The following GRM6 variants were observed in gnomAD, a reference collection of about 807,000 sequenced individuals.
GRM6 encodes the protein glutamate metabotropic receptor 6.
Under a neutral mutation model 78.4 loss-of-function variants are expected in GRM6, and 73 were observed. That is an observed-to-expected ratio of 0.93 (90% CI 0.77 to 1.13). GRM6 has a LOEUF of 1.13. Among genes scored for constraint, GRM6 ranks in the 50% most tolerant of loss-of-function variants. GRM6 has a pLI of 0.00. For missense variants in GRM6, 1,251 were observed against 1,256.4 expected (o/e 1.00, Z 0.07); for synonymous variants, 580 against 555.0 (o/e 1.05, Z -0.63).
chr5:178,993,723 T>G (rs1760723584), intron 2 of GRM6, among the ~76,000 whole-genome samples: 1 of 152,104 alleles, frequency 6.6e-6, no homozygotes, highest in Admixed American at 6.5e-5. Flanking sequence ...AAAGCCCTCC[T>G]AATCCCGATT....
Position 178,984,471 on chromosome 5 carries a change from C to T in GRM6, c.2125-1250G>A, listed in dbSNP as rs897083505. 2.6e-5 allele frequency among the ~76,000 whole-genome samples: 4 copies of T among 152,168 alleles called. No individual in the cohort carries two copies. The East Asian group carries it at 5.8e-4, about 22-fold the overall frequency. ...ATGACGTGGTAGTCATGGCAAAACA[C>T]CTAGGCCAGTTGCAGGCTTGTGTGT... On this transcript the variant is annotated intron_variant, in intron 9 of 10. Transcript: ENST00000517717.
chr5:178,982,453 C>T (rs1188238518), intron 10 of GRM6, among the ~76,000 whole-genome samples: 2 of 151,846 alleles, frequency 1.3e-5, no homozygotes, highest in Non-Finnish European at 2.9e-5. Flanking sequence ...TGGCAGGCAC[C>T]TGTAGTCCCA....
rs181390926 is a variant in GRM6 at position 178,984,511 on chromosome 5, T to C, written c.2125-1290A>G. On this transcript the variant is annotated intron_variant, in intron 9 of 10. Transcript: ENST00000517717. ...GGCTTGTGTGTTTTTAAAGATCCCT[T>C]GTATCTGGAAAAGAGGGTACAGTGT... Among the ~76,000 whole-genome samples, 16 of 152,218 alleles carry C rather than the reference T, an allele frequency of 1.1e-4. No homozygotes were observed. In the East Asian group the frequency reaches 2.3e-3, roughly 22 times the overall value.
At position 178,994,429 on chromosome 5, in the gene GRM6, C is replaced by T; in HGVS notation, c.504+12G>A. Reference sequence around the variant, plus strand: ...GGACGCTGGACACCGAGCCCGGCCCCGCGGCCCTCACCGCAAACAGGCGCA... The same window carrying T: ...GGACGCTGGACACCGAGCCCGGCCCTGCGGCCCTCACCGCAAACAGGCGCA... On this transcript the variant is annotated intron_variant, in intron 2 of 10. Coordinates refer to ENST00000517717, the MANE Select transcript of GRM6 (RefSeq NM_000843.4). 5 of 1,490,538 alleles carry T rather than the reference C, an allele frequency of 3.4e-6. No individual in the cohort carries two copies. Among genetic ancestry groups the T allele is most frequent in the East Asian group, 2.8e-5 (1 of 35,280 alleles). 92.3% of individuals were successfully genotyped at this position (1,490,538 alleles called of 1,614,324 possible).
At chr5:178,985,598 G>A (rs1460813123) in intron 9 of GRM6, 9 of 349,856 alleles carry the variant, frequency 2.6e-5, no homozygotes, top group Non-Finnish European at 4.5e-5. Context: ...AGCTACTCGG[G>A]AGGCTGAGGC....
chr5:178,992,485 G>GC lies in GRM6; in HGVS notation c.505-403_505-402insG. On this transcript the variant is annotated intron_variant, in intron 2 of 10. Coordinates refer to ENST00000517717, the MANE Select transcript of GRM6 (RefSeq NM_000843.4). The surrounding 1 kb of genome is among the most constrained non-coding windows in gnomAD (Gnocchi z 4.9). ...AGCACGTTTTCTTGATTCACACCAAGGGGTGGTCCGCAGGGACAGGCAGCC... is the reference window on the plus strand; with the variant it reads ...AGCACGTTTTCTTGATTCACACCAAGCGGGTGGTCCGCAGGGACAGGCAGCC... 8.2e-6 allele frequency: 3 copies of GC among 364,296 alleles called. No homozygotes were observed. The highest frequency in any genetic ancestry group is 1.6e-5 in the Non-Finnish European group (3 of 183,176). The allele number at this position is 364,296 out of a possible 1,614,324, so 22.6% of individuals were successfully genotyped here. A position where few individuals can be genotyped will look rare whatever the true frequency, so the allele number is the denominator to read the frequency against.
chr5:178,987,921 A>ACACCTG (rs371810289), intron 7 of GRM6, among the ~76,000 whole-genome samples: 135,834 of 143,668 alleles, frequency 0.95, 64,745 homozygotes, highest in South Asian at 1. Flanking sequence ...CGCCATGCCC[A>ACACCTG]GCTAATTTTT....
rs1439203052 is a variant in GRM6, at chr5:178,991,463, G to A, written c.818C>T (p.Ala273Val). The A allele has an allele frequency of 6.2e-7, 1 of 1,613,954 alleles. No homozygotes were observed. Among genetic ancestry groups the A allele is most frequent in the African/African-American group, 1.3e-5 (1 of 74,982 alleles). The change falls in exon 4 of 11, where the codon GCC becomes GTC. Residue 273 changes from alanine (A) to valine (V), a missense_variant. By Grantham distance (64) the Ala-to-Val change is moderately conservative. Transcript: ENST00000517717. This position sits in a 1 kb window ranked among gnomAD's most constrained non-coding sequence, Gnocchi z 5.0. ...ATTGGCAAAGATGATGATGCCCCGG[G>A]CGTTGGGCGTCTCCATGAGTCTCCT... ...VIRRLMETPN[A>V]RGIIIFANED...
chr5:178,983,407 C>G, intron 9 of GRM6, 186 bp from the exon 10 acceptor site: 2 of 710,660 alleles, frequency 2.8e-6, no homozygotes, highest in South Asian at 3.0e-5. Context: ...CAGGCAGGGG[C>G]AGCCCAAGAG....
In GRM6 at chr5:178,991,698, G is replaced by A. The variant is rs1760678061; in HGVS notation, c.722-139C>T. 2.4e-6 allele frequency: 3 copies of A among 1,229,928 alleles called. No individual in the cohort carries two copies. Among genetic ancestry groups the A allele is most frequent in the African/African-American group, 2.9e-5 (2 of 67,838 alleles). The allele number at this position is 1,229,928 out of a possible 1,614,324, so 76.2% of individuals were successfully genotyped here. On this transcript the variant is annotated intron_variant, in intron 3 of 10. Transcript: ENST00000517717. This position sits in a 1 kb window ranked among gnomAD's most constrained non-coding sequence, Gnocchi z 5.0. ...GGCCTGCACCCTCCGCCAAGCCTGA[G>A]GCAGGGCTGAGTCGTCCAAAACAAA...
rs1189860680 is a variant in GRM6 at position 178,980,296 on chromosome 5, TA to T, written c.*1360del. The T allele has an allele frequency of 6.5e-6, 1 of 154,384 alleles. No homozygotes were observed. Among genetic ancestry groups the T allele is most frequent in the African/African-American group, 2.4e-5 (1 of 41,530 alleles). 9.6% of individuals were successfully genotyped at this position (154,384 alleles called of 1,614,324 possible). On this transcript the variant is annotated 3_prime_UTR_variant, in exon 11 of 11. Coordinates refer to ENST00000517717, the MANE Select transcript of GRM6 (RefSeq NM_000843.4). The surrounding 1 kb of genome is among the most constrained non-coding windows in gnomAD (Gnocchi z 4.3). ...CTACTCCCAGGGACATAAAACTCCA[TA>T]ACTTAAACCAAGCTTTTTGTAAAAA...
chr5:178,982,977 T>C lies in GRM6; in HGVS notation c.2369A>G (p.Tyr790Cys), dbSNP rs1234951030. The C allele has an allele frequency of 5.0e-6, 8 of 1,614,160 alleles. No individual in the cohort carries two copies. The highest frequency in any genetic ancestry group is 5.9e-6 in the Non-Finnish European group (7 of 1,180,012). The change falls in exon 10 of 11, where the codon TAC becomes TGC. Residue 790 changes from tyrosine (Y) to cysteine (C), a missense_variant. Transcript: ENST00000517717. ...NEAKPIGFTM[Y>C]TTCIIWLAFV... ...TGCCAGCCAGATGATGCAGGTGGTG[T>C]ACATGGTGAAGCCGATGGGCTTGGC...
chr5:178,991,509 C>T lies in GRM6; in HGVS notation c.772G>A (p.Gly258Arg). The T allele has an allele frequency of 6.2e-7, 1 of 1,613,932 alleles. No homozygotes were observed. Among genetic ancestry groups the T allele is most frequent in the South Asian group, 1.1e-5 (1 of 91,082 alleles). ...SIKIPREPKP[G>R]EFSKVIRRLM... ...CTCCTGATCACCTTGCTGAACTCTCCTGGCTTTGGTTCCCTGGGAATCTTG... is the reference window on the plus strand; with the variant it reads ...CTCCTGATCACCTTGCTGAACTCTCTTGGCTTTGGTTCCCTGGGAATCTTG... The change falls in exon 4 of 11, where the codon GGA becomes AGA. Residue 258 changes from glycine (G) to arginine (R), a missense_variant. Physicochemically the swap from Gly to Arg is moderately radical, Grantham distance 125 (BLOSUM62 -2). Coordinates refer to ENST00000517717, the MANE Select transcript of GRM6 (RefSeq NM_000843.4). The surrounding 1 kb of genome is among the most constrained non-coding windows in gnomAD (Gnocchi z 5.0).
chr5:178,989,481 G>A (rs967067561), intron 5 of GRM6, 76 bp from the exon 6 acceptor site: 20 of 1,587,130 alleles, frequency 1.3e-5, no homozygotes, highest in Non-Finnish European at 1.6e-5. Flanking sequence ...TCTGCCACTT[G>A]CTCACTTTCA....
At chr5:178,983,499 T>G (rs987515873) in intron 9 of GRM6, 1 of 645,374 alleles carries the variant, frequency 1.5e-6, no homozygotes, top group African/African-American at 1.8e-5. Flanking sequence ...CAGTGCAGTG[T>G]GCATAAGGGG....
At chr5:178,985,904 G>C (rs903895719) in intron 9 of GRM6, 11 of 580,256 alleles carry the variant, frequency 1.9e-5, no homozygotes, top group Non-Finnish European at 3.4e-5. Context: ...TAGGACTACA[G>C]GCACGCACCA....
chr5:178,993,887 C>T (rs1172102591), intron 2 of GRM6, among the ~76,000 whole-genome samples: 1 of 152,106 alleles, frequency 6.6e-6, no homozygotes, highest in Admixed American at 6.5e-5. Flanking sequence ...TCTCAGATGC[C>T]CCTTGAGGGA....
chr5:178,987,374 G>T (rs1338943760), intron 7 of GRM6: 1 of 467,194 alleles, frequency 2.1e-6, no homozygotes, highest in Non-Finnish European at 4.3e-6. Flanking sequence ...GTTCACAGCA[G>T]CGTTATTCAC....
intron 9 of GRM6, among the ~76,000 whole-genome samples, chr5:178,984,585 G>A (rs1173642067): frequency 3.3e-5 from 5 of 152,112 alleles, no homozygotes; most frequent in East Asian, 1.9e-4. Context: ...GGTCCCCAAC[G>A]GGGTCTAAGC....
Sources: allele counts gnomAD v4.1 joint callset (sites outside exome capture counted in the v4.1 genomes callset), GRCh38; gene constraint gnomAD v4.1.1; non-coding constraint Gnocchi (gnomAD v3.1); transcripts MANE v1.5; gene names NCBI Gene and HGNC (gene_info 2026-07-23, HGNC 2026-07-21).